GRM8: variants seen among roughly 807,000 people sequenced by gnomAD.
GRM8 encodes metabotropic glutamate receptor 8.
In GRM8, 47 loss-of-function variants were observed where a neutral mutation model predicts 87.2. The ratio of observed to expected loss-of-function variants is 0.54; its 90% CI spans 0.43 to 0.69. GRM8 has a LOEUF of 0.69. GRM8 is among the 30% of genes least tolerant of loss of function. The probability of loss-of-function intolerance (pLI) is 0.00; values close to 1 mark genes in which losing one functional copy is unlikely to be tolerated. For synonymous variants in GRM8, 396 were observed against 404.5 expected (o/e 0.98, Z 0.25); for missense variants, 1,019 against 1,139.2 (o/e 0.89, Z 1.52).
Position 127,180,486 on chromosome 7 carries a change from T to C in GRM8, c.510+62209A>G, listed in dbSNP as rs142292913. On this transcript the variant is annotated intron_variant, in intron 2 of 10. Coordinates refer to ENST00000339582, the MANE Select transcript of GRM8 (RefSeq NM_000845.3). ...AGACAGAGAAAGAAGGACTCCTCCTTAATTCATCTTCTGAAGCCAGCATCA... is the reference window on the plus strand; with the variant it reads ...AGACAGAGAAAGAAGGACTCCTCCTCAATTCATCTTCTGAAGCCAGCATCA... Among the ~76,000 whole-genome samples, 380 of 152,186 alleles carry C rather than the reference T, an allele frequency of 2.5e-3. 2 individuals carry two copies. Among genetic ancestry groups the C allele is most frequent in the African/African-American group, 8.8e-3 (366 of 41,548 alleles).
intron 3 of GRM8, among the ~76,000 whole-genome samples, chr7:127,030,877 C>T (rs1427659400): frequency 6.6e-6 from 1 of 152,106 alleles, no homozygotes; most frequent in Non-Finnish European, 1.5e-5. Context: ...TTTCACCAGG[C>T]TTCTAATGTT....
At chr7:127,212,421 T>TA (rs72344315) in intron 2 of GRM8, among the ~76,000 whole-genome samples, 27,464 of 142,340 alleles carry the variant, frequency 0.19, 3,093 homozygotes, top group Non-Finnish European at 0.26. Context: ...TTTTTTTTTT[T>TA]TTTTTTTTTT....
At chr7:127,076,014 C>T (rs1167510296) in intron 3 of GRM8, 3 of 378,142 alleles carry the variant, frequency 7.9e-6, no homozygotes, top group South Asian at 2.0e-5. Context: ...CAATATTAGG[C>T]TTTACAATTG....
At chr7:126,461,414 T>G (rs969369661) in intron 9 of GRM8, among the ~76,000 whole-genome samples, 2 of 151,630 alleles carry the variant, frequency 1.3e-5, no homozygotes, top group African/African-American at 4.8e-5. Flanking sequence ...TCTGCCCTTG[T>G]GGTCTTAACT....
At chr7:126,868,332 C>A (rs1419224466) in intron 6 of GRM8, among the ~76,000 whole-genome samples, 8 of 152,164 alleles carry the variant, frequency 5.3e-5, no homozygotes, top group African/African-American at 1.9e-4. Context: ...CAGCCTCAGG[C>A]TAAGGAGCTG....
At chr7:126,756,302 C>T (rs2151559460) in intron 7 of GRM8, among the ~76,000 whole-genome samples, 1 of 152,078 alleles carries the variant, frequency 6.6e-6, no homozygotes, top group South Asian at 2.1e-4. Flanking sequence ...AAAGGGAAAA[C>T]TATTAAAACT....
intron 8 of GRM8, among the ~76,000 whole-genome samples, chr7:126,600,084 C>T (rs999029697): frequency 6.6e-6 from 1 of 152,114 alleles, no homozygotes; most frequent in African/African-American, 2.4e-5. Flanking sequence ...TATCCAGTGT[C>T]CCTAGTTTAA....
At chr7:126,732,579 C>T (rs1010750620) in intron 7 of GRM8, among the ~76,000 whole-genome samples, 7 of 151,956 alleles carry the variant, frequency 4.6e-5, no homozygotes, top group African/African-American at 1.7e-4. Flanking sequence ...GTGAATATGG[C>T]GTATAGAGAG....
At chr7:127,082,969 C>G (rs201392342) in intron 3 of GRM8, among the ~76,000 whole-genome samples, 1 of 152,154 alleles carries the variant, frequency 6.6e-6, no homozygotes, top group Non-Finnish European at 1.5e-5. Context: ...GGGTTCTCCA[C>G]AGAAACACAA....
At chr7:126,600,309 C>A (rs1452045813) in intron 8 of GRM8, among the ~76,000 whole-genome samples, 1 of 152,026 alleles carries the variant, frequency 6.6e-6, no homozygotes, top group African/African-American at 2.4e-5. Flanking sequence ...TTTTTTCAAT[C>A]GAACACAGAC....
chr7:127,103,142 C>A (rs1825477376), intron 3 of GRM8, among the ~76,000 whole-genome samples: 1 of 152,222 alleles, frequency 6.6e-6, no homozygotes, highest in Admixed American at 6.5e-5. Flanking sequence ...CACACCAAGT[C>A]TGGACTTTTG....
At position 127,151,143 on chromosome 7, in the gene GRM8, C is replaced by A. The variant is rs1424642303; in HGVS notation, c.511-44431G>T. 2.0e-5 allele frequency among the ~76,000 whole-genome samples: 3 copies of A among 151,944 alleles called. No homozygotes were observed. The East Asian group carries it at 5.8e-4, about 29-fold the overall frequency. On this transcript the variant is annotated intron_variant, in intron 2 of 10. Coordinates refer to ENST00000339582, the MANE Select transcript of GRM8 (RefSeq NM_000845.3). ...AAGGACTCTGTAGGAGGTCAGGCCT[C>A]CTTAGGACAGCACTGGAGACTCTAT...
chr7:126,734,040 A>G (rs887558824), intron 7 of GRM8, among the ~76,000 whole-genome samples: 7 of 152,076 alleles, frequency 4.6e-5, no homozygotes, highest in Non-Finnish European at 8.8e-5. Flanking sequence ...ATTACCTGAA[A>G]TAATGAGAAA....
rs116672993 is a variant in GRM8 at position 126,969,560 on chromosome 7, C to T, written c.728-64877G>A. Among the ~76,000 whole-genome samples, 941 of 152,242 alleles carry T rather than the reference C, an allele frequency of 6.2e-3. 11 individuals carry two copies. The highest frequency in any genetic ancestry group is 0.021 in the African/African-American group (884 of 41,544). On this transcript the variant is annotated intron_variant, in intron 3 of 10. Coordinates refer to ENST00000339582, the MANE Select transcript of GRM8 (RefSeq NM_000845.3). ...AGCAATTCAGTCACATCATCAAATTCCACTTCTAATTCTAGTTCTCTTCTT... is the reference window on the plus strand; with the variant it reads ...AGCAATTCAGTCACATCATCAAATTTCACTTCTAATTCTAGTTCTCTTCTT...
intron 9 of GRM8, among the ~76,000 whole-genome samples, chr7:126,466,547 A>G (rs760149709): frequency 1.7e-4 from 26 of 151,992 alleles, no homozygotes; most frequent in South Asian, 1.0e-3. Flanking sequence ...AATTTCCATG[A>G]TCTGCCACCT....
At chr7:126,904,273 A>T (rs111546739) in intron 4 of GRM8, 147 bp from the exon 5 acceptor site, 86,063 of 704,766 alleles carry the variant, frequency 0.12, 5,813 homozygotes, top group East Asian at 0.21. Context: ...CCCGAGTCTT[A>T]TCATCTCCTA....
chr7:127,119,204 TG>T (rs1826882861), intron 2 of GRM8, among the ~76,000 whole-genome samples: 1 of 151,974 alleles, frequency 6.6e-6, no homozygotes, highest in Non-Finnish European at 1.5e-5. Context: ...AACCAAGAAA[TG>T]GGGCCAGGCG....
At chr7:127,097,282 A>G (rs547754552) in intron 3 of GRM8, among the ~76,000 whole-genome samples, 8 of 152,322 alleles carry the variant, frequency 5.3e-5, no homozygotes, top group Non-Finnish European at 8.8e-5. Flanking sequence ...GTCACATTCA[A>G]GTAGAAGCAA....
chr7:126,463,971 C>T (rs963497433), intron 9 of GRM8, among the ~76,000 whole-genome samples: 1 of 151,692 alleles, frequency 6.6e-6, no homozygotes, highest in Non-Finnish European at 1.5e-5. Flanking sequence ...GTTTCTACTA[C>T]ATAAAATATA....
Sources: allele counts gnomAD v4.1 joint callset (sites outside exome capture counted in the v4.1 genomes callset), GRCh38; gene constraint gnomAD v4.1.1; transcripts MANE v1.5; gene names NCBI Gene and HGNC (gene_info 2026-07-23, HGNC 2026-07-21).